The following CFAP47 variants were observed in gnomAD, a reference collection of about 807,000 sequenced individuals.
The protein encoded by CFAP47 is cilia- and flagella-associated protein 47.
A neutral mutation model predicts 148.1 loss-of-function variants in CFAP47; 29 were observed. That is an observed-to-expected ratio of 0.20 (90% confidence interval 0.15 to 0.27). CFAP47 has a LOEUF of 0.27. Among genes scored for constraint, CFAP47 ranks in the 10% least tolerant of loss-of-function variants. The pLI is 1.00. For synonymous variants in CFAP47, 664 were observed against 577.3 expected, an observed-to-expected ratio of 1.15 and a Z score of -2.15; for missense variants, 1,872 against 1,697.5, an observed-to-expected ratio of 1.10 and a Z score of -1.81.
chrX:36,200,453 G>C lies in CFAP47; in HGVS notation c.6396G>C (p.Thr2132=). The C allele has an allele frequency of 3.4e-6, 1 of 296,802 alleles. No individual in the cohort carries two copies. Among genetic ancestry groups the C allele is most frequent in the South Asian group, 2.0e-4 (1 of 5,040 alleles). The allele number at this position is 296,802 out of a possible 1,213,427, so 24.5% of individuals were successfully genotyped here. A position where few individuals can be genotyped will look rare whatever the true frequency, so the allele number is the denominator to read the frequency against. ...PLPSSCLPMN[T]SSSPVYYSTT... Reference sequence around the variant, plus strand: ...CTTCCAGTTGCCTTCCAATGAATACGTCTTCAAGTCCAGTTTATTACAGCA... The same window carrying C: ...CTTCCAGTTGCCTTCCAATGAATACCTCTTCAAGTCCAGTTTATTACAGCA... Residue 2132 remains threonine (T), a synonymous_variant, in exon 43 of 64, where the codon ACG becomes ACC. Transcript: ENST00000378653.
At chrX:35,937,715 CA>C (rs1433438154) in intron 2 of CFAP47, among the ~76,000 whole-genome samples, 1 of 109,508 alleles carries the variant, frequency 9.1e-6, no homozygotes, top group African/African-American at 3.3e-5. Context: ...AAAGTTAGTC[CA>C]ACTGGATCTG....
chrX:35,924,027 A>ATGCACATATATGTGTATATGTACATG (rs1569201025), intron 1 of CFAP47, among the ~76,000 whole-genome samples: 1 of 95,784 alleles, frequency 1.0e-5, no homozygotes, highest in African/African-American at 4.4e-5. Flanking sequence ...ATGCACATAT[A>ATGCACATATATGTGTATATGTACATG]TATGCACATA....
intron 36 of CFAP47, among the ~76,000 whole-genome samples, chrX:36,146,047 C>G (rs989500377): frequency 9.0e-6 from 1 of 110,846 alleles, no homozygotes; most frequent in African/African-American, 3.3e-5. Flanking sequence ...AGACATAAAA[C>G]TCCATAGAAT....
intron 17 of CFAP47, among the ~76,000 whole-genome samples, 169 bp from the exon 18 acceptor site, chrX:35,993,021 G>T (rs986744698): frequency 9.0e-6 from 1 of 111,584 alleles, no homozygotes; most frequent in African/African-American, 3.3e-5. Context: ...TCTTGTTTTA[G>T]TCCAAACTAT....
intron 30 of CFAP47, among the ~76,000 whole-genome samples, chrX:36,095,066 G>A (rs1357376311): frequency 9.0e-6 from 1 of 110,996 alleles, no homozygotes; most frequent in African/African-American, 3.3e-5. Context: ...CCAGTTTTTT[G>A]AGAGTATTTT....
chrX:36,174,283 G>A (rs970631551), intron 39 of CFAP47, among the ~76,000 whole-genome samples: 11 of 110,768 alleles, frequency 9.9e-5, no homozygotes, highest in African/African-American at 3.6e-4. Context: ...TTTAATTGGA[G>A]CATACAGTCC....
chrX:36,031,410 A>G (rs1183215617), intron 23 of CFAP47, 63 bp downstream of exon 23: 3 of 272,377 alleles, frequency 1.1e-5, no homozygotes, highest in Admixed American at 1.3e-4. Flanking sequence ...TAGTTTGTTA[A>G]GTTGATTATT....
chrX:36,293,331 G>T (rs1556005878), intron 51 of CFAP47, among the ~76,000 whole-genome samples: 1 of 112,123 alleles, frequency 8.9e-6, no homozygotes, highest in African/African-American at 3.2e-5. Flanking sequence ...ATATCTAGCT[G>T]ATACAGCAAA....
intron 6 of CFAP47, 75 bp downstream of exon 6, chrX:35,952,038 C>G: frequency 9.8e-7 from 1 of 1,016,293 alleles, no homozygotes. Context: ...ATCAGATTCA[C>G]TTTAATACTA....
At chrX:36,175,182 TATTCTAGTTATAC>T (rs1939653497) in intron 39 of CFAP47, among the ~76,000 whole-genome samples, 1 of 110,983 alleles carries the variant, frequency 9.0e-6, no homozygotes, top group Non-Finnish European at 1.9e-5. Context: ...CTGTATTGGT[TATTCTAGTTATAC>T]ATTCTTCTAA....
intron 60 of CFAP47, among the ~76,000 whole-genome samples, chrX:36,356,280 C>G (rs1254210479): frequency 9.0e-6 from 1 of 111,552 alleles, no homozygotes; most frequent in Non-Finnish European, 1.9e-5. Context: ...TTTGTTTTCT[C>G]TGCTCTCTGC....
intron 49 of CFAP47, among the ~76,000 whole-genome samples, chrX:36,264,290 C>G (rs1940864979): frequency 9.0e-6 from 1 of 111,498 alleles, no homozygotes; most frequent in African/African-American, 3.3e-5. Flanking sequence ...CACGTACACC[C>G]CCCAGTCCAT....
chrX:36,100,032 T>A (rs944749381), intron 32 of CFAP47, among the ~76,000 whole-genome samples, 153 bp downstream of exon 32: 6 of 111,307 alleles, frequency 5.4e-5, no homozygotes, highest in African/African-American at 1.3e-4. Context: ...ACTGCTGAGA[T>A]GTGAGAGGGT....
At chrX:36,363,395 A>C in intron 61 of CFAP47, among the ~76,000 whole-genome samples, 1 of 111,367 alleles carries the variant, frequency 9.0e-6, no homozygotes. Flanking sequence ...ATACTGAATA[A>C]TGAAGGCAAC....
chrX:36,365,037 C>A (rs1335132068), intron 61 of CFAP47, among the ~76,000 whole-genome samples: 4 of 102,006 alleles, frequency 3.9e-5, no homozygotes, highest in African/African-American at 1.4e-4. Flanking sequence ...ATAAGAAAAA[C>A]CAAAAGAAAA....
intron 13 of CFAP47, among the ~76,000 whole-genome samples, chrX:35,973,937 TGTTA>T (rs1936531565): frequency 8.9e-6 from 1 of 112,355 alleles, no homozygotes; most frequent in Non-Finnish European, 1.9e-5. Flanking sequence ...ATTTTATAAG[TGTTA>T]ATTGAATGAC....
chrX:36,264,220 C>T (rs1194005828), intron 49 of CFAP47, among the ~76,000 whole-genome samples: 1 of 111,651 alleles, frequency 9.0e-6, no homozygotes, highest in African/African-American at 3.3e-5. Context: ...AGCCTTGCAG[C>T]CTGGGGTTAG....
intron 49 of CFAP47, among the ~76,000 whole-genome samples, chrX:36,257,117 C>T (rs1157132403): frequency 1.8e-5 from 2 of 112,093 alleles, no homozygotes; most frequent in Non-Finnish European, 3.8e-5. Context: ...GCAACAAATA[C>T]AGTTTCATCT....
intron 35 of CFAP47, among the ~76,000 whole-genome samples, chrX:36,141,445 C>G (rs1036509252): frequency 1.8e-5 from 2 of 111,308 alleles, no homozygotes; most frequent in Non-Finnish European, 3.8e-5. Context: ...TGTCCCAGCC[C>G]CAGCTGATTG....
Sources: gnomAD v4.1 joint callset for allele counts (sites outside exome capture counted in the v4.1 genomes callset) on GRCh38, gnomAD v4.1.1 for gene constraint, MANE v1.5 for transcripts, NCBI Gene and HGNC (gene_info 2026-07-23, HGNC 2026-07-21) for gene names.